The following BIN3 variants were observed in gnomAD, a reference collection of about 807,000 sequenced individuals.
BIN3 encodes the protein bridging integrator 3.
BIN3 carries 41 observed loss-of-function variants against 38.2 expected under a neutral mutation model. The observed-to-expected ratio is 1.07, with a 90% confidence interval of 0.84 to 1.39. BIN3 has a LOEUF of 1.39. BIN3 is among the 40% of genes most tolerant of loss of function. The probability of loss-of-function intolerance (pLI) is 0.00; values close to 1 mark genes in which losing one functional copy is unlikely to be tolerated. For missense variants in BIN3, 361 were observed against 324.3 expected (o/e 1.11, Z -0.87); for synonymous variants, 145 against 122.6 (o/e 1.18, Z -1.21).
intron 1 of BIN3, among the ~76,000 whole-genome samples, chr8:22,664,955 T>C (rs1486069320): frequency 1.3e-5 from 2 of 152,236 alleles, no homozygotes; most frequent in African/African-American, 4.8e-5. Flanking sequence ...CATTTAACAA[T>C]TACCTGTTAG....
intron 1 of BIN3, among the ~76,000 whole-genome samples, chr8:22,658,257 T>C (rs934592448): frequency 6.6e-5 from 10 of 151,978 alleles, no homozygotes; most frequent in African/African-American, 2.4e-4. Flanking sequence ...AACCCCCAAC[T>C]GCCCCACCGC....
chr8:22,658,304 AG>A (rs1404124349), intron 1 of BIN3, among the ~76,000 whole-genome samples: 1 of 152,186 alleles, frequency 6.6e-6, no homozygotes, highest in African/African-American at 2.4e-5. Context: ...CGGAGGGCAA[AG>A]GGGGGAAAGA....
intron 3 of BIN3, 84 bp downstream of exon 3, chr8:22,636,838 G>A (rs1419359855): frequency 2.0e-6 from 3 of 1,467,330 alleles, no homozygotes; most frequent in East Asian, 2.3e-5. Context: ...CACGGGGCAG[G>A]GCACGGGGCA....
chr8:22,627,183 G>A (rs972325101), intron 6 of BIN3, among the ~76,000 whole-genome samples: 31 of 152,200 alleles, frequency 2.0e-4, no homozygotes, highest in East Asian at 1.9e-4. Flanking sequence ...TTACAACCAC[G>A]GTGGGGGGAG....
intron 8 of BIN3, 111 bp from the exon 9 acceptor site, chr8:22,621,679 G>T (rs542488722): frequency 4.0e-4 from 448 of 1,125,686 alleles, no homozygotes; most frequent in Non-Finnish European, 5.4e-4. Flanking sequence ...ATCTGGAGCT[G>T]TGCAGCAGCG....
chr8:22,660,958 C>T (rs1007602891), intron 1 of BIN3, among the ~76,000 whole-genome samples: 3 of 152,148 alleles, frequency 2.0e-5, no homozygotes, highest in Non-Finnish European at 4.4e-5. Context: ...GATCATAGCT[C>T]GCCGCAACCT....
intron 6 of BIN3, among the ~76,000 whole-genome samples, chr8:22,628,718 G>A (rs1802084158): frequency 6.6e-6 from 1 of 152,220 alleles, no homozygotes; most frequent in African/African-American, 2.4e-5. Flanking sequence ...ATGGGTGCCT[G>A]TGGCAGCCTC....
chr8:22,651,632 GTCT>G (rs1802894539), intron 1 of BIN3, among the ~76,000 whole-genome samples: 1 of 152,168 alleles, frequency 6.6e-6, no homozygotes, highest in Non-Finnish European at 1.5e-5. Context: ...TTGCTCCCCT[GTCT>G]TCTAACTTCC....
At position 22,644,975 on chromosome 8, in the gene BIN3, G is replaced by C. The variant is rs535830975; in HGVS notation, c.9-172C>G. ...ATACAACCATTGGCATCTGGGCTTG[G>C]TTCTAAGAGAGAGATAGGTCCTCCC... On this transcript the variant is annotated intron_variant, in intron 1 of 8. Transcript: ENST00000276416. 3.6e-5 allele frequency: 21 copies of C among 581,096 alleles called. 2 individuals carry two copies. In the South Asian group the frequency reaches 3.8e-4, roughly 11 times the overall value. 36.0% of individuals were successfully genotyped at this position (581,096 alleles called of 1,614,324 possible).
At chr8:22,623,266 T>C (rs1563940452) in intron 8 of BIN3, among the ~76,000 whole-genome samples, 3 of 152,166 alleles carry the variant, frequency 2.0e-5, no homozygotes, top group Non-Finnish European at 4.4e-5. Flanking sequence ...GGCTTGAAGA[T>C]GGAGGAGGGT....
At chr8:22,642,446 C>T (rs535381688) in intron 2 of BIN3, among the ~76,000 whole-genome samples, 19 of 152,326 alleles carry the variant, frequency 1.2e-4, no homozygotes, top group African/African-American at 3.4e-4. Context: ...ATAACTACTC[C>T]GAGCTGTAGC....
In BIN3 at chr8:22,630,499, G is replaced by T; in HGVS notation, c.240C>A (p.Asn80Lys). ...PLCEQDQDLL[N>K]MVTALDTAMK... is the part of the protein sequence containing the mutation. The stretch of plus-strand genomic sequence containing the variant: ...TGGCCGTGTCCAGGGCCGTCACCAT[G>T]TTCAGAAGGTCCTGGTCTTGCTCAC... The change falls in exon 5 of 9, where the codon AAC becomes AAA. Residue 80 changes from asparagine to lysine, a missense_variant. By Grantham distance (94) the Asn-to-Lys change is moderately conservative. Transcript: ENST00000276416. 6.2e-7 allele frequency: 1 copy of T among 1,614,042 alleles called. No homozygotes were observed. Among genetic ancestry groups the T allele is most frequent in the Non-Finnish European group, 8.5e-7 (1 of 1,179,892 alleles).
At chr8:22,649,723 C>T (rs947041722) in intron 1 of BIN3, among the ~76,000 whole-genome samples, 1 of 150,840 alleles carries the variant, frequency 6.6e-6, no homozygotes, top group Non-Finnish European at 1.5e-5. Flanking sequence ...AACAAACAAA[C>T]AAAAAAACAC....
At chr8:22,633,131 C>T (rs760773943) in intron 4 of BIN3, among the ~76,000 whole-genome samples, 7 of 152,160 alleles carry the variant, frequency 4.6e-5, no homozygotes, top group East Asian at 1.9e-4. Context: ...GTGATGCCCC[C>T]GCTTCATGTG....
Position 22,621,413 on chromosome 8 carries a change from G to T in BIN3, c.*9C>A, listed in dbSNP as rs963389537. The T allele has an allele frequency of 5.6e-6, 9 of 1,611,366 alleles. No individual in the cohort carries two copies. The African/African-American group carries it at 8.0e-5, about 14-fold the overall frequency. On this transcript the variant is annotated 3_prime_UTR_variant, in exon 9 of 9. Transcript: ENST00000276416. ...CACGTCACAGGAGTCCTCCAAGAGT[G>T]ACGGGGATTCAGTCATCGGCCACAA...
At position 22,639,233 on chromosome 8, in the gene BIN3, A is replaced by AT. The variant is rs112169422; in HGVS notation, c.58-2272dup. On this transcript the variant is annotated intron_variant, in intron 2 of 8. Coordinates refer to ENST00000276416, the MANE Select transcript of BIN3 (RefSeq NM_018688.6). ...CTGTGGAGACTTGATAGTACTAAGC[A>AT]TTTTTTTTTTTTTTTTGAGACAGGG... 5.6e-3 allele frequency among the ~76,000 whole-genome samples: 792 copies of AT among 141,266 alleles called. 2 individuals are homozygous for AT. The highest frequency in any genetic ancestry group is 0.012 in the African/African-American group (462 of 38,424). The allele number at this position is 141,266 out of a possible 152,430, so 92.7% of individuals were successfully genotyped here.
chr8:22,642,779 T>C (rs534681699), intron 2 of BIN3, among the ~76,000 whole-genome samples: 1 of 152,308 alleles, frequency 6.6e-6, no homozygotes, highest in Admixed American at 6.5e-5. Flanking sequence ...AGGGCCAGGA[T>C]GGGGACCCAG....
At chr8:22,638,890 A>G (rs894616252) in intron 2 of BIN3, among the ~76,000 whole-genome samples, 1 of 152,154 alleles carries the variant, frequency 6.6e-6, no homozygotes, top group Admixed American at 6.6e-5. Context: ...ATCATTACTT[A>G]CCTTAGGATC....
intron 4 of BIN3, among the ~76,000 whole-genome samples, chr8:22,631,065 T>C (rs1447865416): frequency 6.6e-6 from 1 of 152,120 alleles, no homozygotes; most frequent in African/African-American, 2.4e-5. Context: ...CCATACAATT[T>C]CTGTTGCAAC....
Sources: allele counts gnomAD v4.1 joint callset (sites outside exome capture counted in the v4.1 genomes callset), GRCh38; gene constraint gnomAD v4.1.1; transcripts MANE v1.5; gene names NCBI Gene and HGNC (gene_info 2026-07-23, HGNC 2026-07-21).